Variants in IQGAP2 observed in about 807,000 individuals in gnomAD.
The protein encoded by IQGAP2 is IQ motif containing GTPase activating protein 2.
In IQGAP2, 173 loss-of-function variants were observed where a neutral mutation model predicts 201.3. That is an observed-to-expected ratio of 0.86 (90% confidence interval 0.76 to 0.98). The LOEUF is 0.98. IQGAP2 is among the 50% of genes least tolerant of loss of function. The pLI, the probability that IQGAP2 is intolerant of heterozygous loss-of-function variation, is 0.00. For synonymous variants in IQGAP2, 675 were observed against 673.9 expected (o/e 1.00, Z -0.03); for missense variants, 1,687 against 1,864.8 (o/e 0.90, Z 1.76).
At chr5:76,676,844 A>G (rs1381626916) in intron 27 of IQGAP2, among the ~76,000 whole-genome samples, 1 of 152,092 alleles carries the variant, frequency 6.6e-6, no homozygotes, top group African/African-American at 2.4e-5. Flanking sequence ...TTTTTTTTCT[A>G]TTGTATTCCT....
At chr5:76,550,616 TC>T (rs1277583105) in intron 2 of IQGAP2, among the ~76,000 whole-genome samples, 5 of 152,222 alleles carry the variant, frequency 3.3e-5, no homozygotes, top group African/African-American at 1.2e-4. Flanking sequence ...CCGCCCTTAA[TC>T]CGTTTAACTC....
At chr5:76,539,295 C>T (rs2150217430) in intron 2 of IQGAP2, among the ~76,000 whole-genome samples, 1 of 152,276 alleles carries the variant, frequency 6.6e-6, no homozygotes, top group Non-Finnish European at 1.5e-5. Flanking sequence ...TCCCTTGAGG[C>T]TCTGCTTGCA....
Position 76,695,653 on chromosome 5 carries a change from A to G in IQGAP2, c.4193A>G (p.Asn1398Ser), listed in dbSNP as rs139757749. The change falls in exon 32 of 36, where the codon AAT (asparagine) becomes AGT (serine). Residue 1398 changes from asparagine to serine, a missense_variant. Coordinates refer to ENST00000274364, the MANE Select transcript of IQGAP2 (RefSeq NM_006633.5). The part of the protein sequence containing the change: ...SSENKYQDIL[N>S]EIAKDIRNQR... ...GAAAATAAATACCAAGACATTCTCA[A>G]TGAGATTGCCAAGGTTTTTGGAAAC... is the stretch of plus-strand genomic sequence containing the variant. 1.2e-5 allele frequency: 19 copies of G among 1,613,498 alleles called. No homozygotes were observed. The South Asian group carries it at 1.3e-4, about 11-fold the overall frequency.
At chr5:76,647,357 A>G (rs893029985) in intron 17 of IQGAP2, among the ~76,000 whole-genome samples, 6 of 152,054 alleles carry the variant, frequency 3.9e-5, no homozygotes, top group African/African-American at 7.2e-5. Flanking sequence ...AGAAATGCCA[A>G]TGGGTACAGG....
intron 4 of IQGAP2, 99 bp from the exon 5 acceptor site, chr5:76,575,594 A>G (rs571883802): frequency 2.5e-5 from 15 of 592,474 alleles, no homozygotes; most frequent in Non-Finnish European, 4.0e-5. Flanking sequence ...TTAAATAATT[A>G]TAGGATAGCA....
intron 12 of IQGAP2, chr5:76,608,094 A>T (rs148956511): frequency 6.6e-6 from 1 of 152,190 alleles, no homozygotes; most frequent in African/African-American, 2.4e-5. Context: ...ACTGGGGGGA[A>T]AAAAAGCAAG....
chr5:76,429,860 GACACACACACACACAC>G (rs56031811), intron 1 of IQGAP2, among the ~76,000 whole-genome samples: 1 of 144,632 alleles, frequency 6.9e-6, no homozygotes, highest in African/African-American at 2.6e-5. Context: ...AGGAGACACA[GACACACACACACACAC>G]ACACACACAC....
At chr5:76,466,739 C>T (rs1011477971) in intron 2 of IQGAP2, among the ~76,000 whole-genome samples, 5 of 152,212 alleles carry the variant, frequency 3.3e-5, no homozygotes, top group African/African-American at 9.7e-5. Flanking sequence ...AGAGCCACAA[C>T]TGTAAATCTC....
chr5:76,623,285 G>A, intron 13 of IQGAP2: 1 of 1,590,880 alleles, frequency 6.3e-7, no homozygotes, highest in Non-Finnish European at 8.6e-7. Flanking sequence ...AAATCATGGA[G>A]CACAATTTCA....
intron 1 of IQGAP2, among the ~76,000 whole-genome samples, chr5:76,427,444 C>G (rs1752073775): frequency 6.6e-6 from 1 of 152,154 alleles, no homozygotes; most frequent in African/African-American, 2.4e-5. Context: ...GAGCTCTCCC[C>G]CCTCCCCTTT....
At chr5:76,433,344 G>C (rs999300051) in intron 1 of IQGAP2, among the ~76,000 whole-genome samples, 1 of 152,124 alleles carries the variant, frequency 6.6e-6, no homozygotes, top group African/African-American at 2.4e-5. Context: ...TTGATCCAAG[G>C]CTTAAGGCTC....
At chr5:76,678,021 C>T (rs940227943) in intron 28 of IQGAP2, among the ~76,000 whole-genome samples, 6 of 152,082 alleles carry the variant, frequency 3.9e-5, no homozygotes, top group Admixed American at 1.3e-4. Context: ...TGTTCTCATC[C>T]GCCAAAGCTA....
chr5:76,509,812 T>A (rs1462671326), intron 2 of IQGAP2, among the ~76,000 whole-genome samples: 2 of 152,136 alleles, frequency 1.3e-5, no homozygotes, highest in Admixed American at 6.6e-5. Flanking sequence ...TAGTAGATAG[T>A]CACCCTCCTG....
intron 2 of IQGAP2, among the ~76,000 whole-genome samples, chr5:76,486,285 T>C (rs564456790): frequency 1.5e-3 from 221 of 152,306 alleles, no homozygotes; most frequent in African/African-American, 5.1e-3. Flanking sequence ...ATAAATCTCA[T>C]TTGGTTGCAG....
chr5:76,456,674 C>T (rs1443320191), intron 1 of IQGAP2, among the ~76,000 whole-genome samples: 1 of 152,150 alleles, frequency 6.6e-6, no homozygotes, highest in African/African-American at 2.4e-5. Context: ...CAGATAAAAG[C>T]AGTTCCCAAC....
At chr5:76,484,654 A>C (rs138767422) in intron 2 of IQGAP2, among the ~76,000 whole-genome samples, 170 of 152,202 alleles carry the variant, frequency 1.1e-3, no homozygotes, top group Non-Finnish European at 1.9e-3. Context: ...AAGTATAATA[A>C]AAAAATTAAA....
At chr5:76,667,815 A>G (rs993552861) in intron 22 of IQGAP2, among the ~76,000 whole-genome samples, 3 of 148,644 alleles carry the variant, frequency 2.0e-5, no homozygotes, top group Non-Finnish European at 4.4e-5. Context: ...GATAGTATGC[A>G]TTTCTACTCA....
At chr5:76,617,524 T>A in intron 13 of IQGAP2, 1 of 1,361,406 alleles carries the variant, frequency 7.3e-7, no homozygotes, top group Non-Finnish European at 1.0e-6. Flanking sequence ...ATGCTTATGT[T>A]GTTCTTGAAA....
At chr5:76,522,847 T>C (rs773245113) in intron 2 of IQGAP2, among the ~76,000 whole-genome samples, 4 of 152,138 alleles carry the variant, frequency 2.6e-5, no homozygotes, top group Non-Finnish European at 5.9e-5. Flanking sequence ...AGTCAGGAAA[T>C]TGAGGAGTTT....
Sources: allele counts gnomAD v4.1 joint callset (sites outside exome capture counted in the v4.1 genomes callset), GRCh38; gene constraint gnomAD v4.1.1; transcripts MANE v1.5; gene names NCBI Gene and HGNC (gene_info 2026-07-23, HGNC 2026-07-21).